Variants in LOC128462377 observed in about 807,000 individuals in gnomAD.
chr16:89,343,253 G>A, the LOC128462377 span, among the ~76,000 whole-genome samples: 17 of 152,150 alleles, frequency 1.1e-4, no homozygotes, highest in Admixed American at 6.5e-4. Flanking sequence ...TCGGCCTCCC[G>A]AAGTGCTGGG....
the LOC128462377 span, among the ~76,000 whole-genome samples, chr16:89,399,932 C>G: frequency 6.6e-6 from 1 of 152,184 alleles, no homozygotes; most frequent in Non-Finnish European, 1.5e-5. Flanking sequence ...GACCAAGAAG[C>G]AGAGTAAGCC....
the LOC128462377 span, among the ~76,000 whole-genome samples, chr16:89,417,143 G>A: frequency 6.6e-6 from 1 of 152,150 alleles, no homozygotes; most frequent in Non-Finnish European, 1.5e-5. Context: ...AAAGAATTCA[G>A]TCATATGAAA....
chr16:89,372,303 C>T, the LOC128462377 span, among the ~76,000 whole-genome samples: 2 of 152,188 alleles, frequency 1.3e-5, no homozygotes, highest in African/African-American at 2.4e-5. Flanking sequence ...CAGGCGGAGG[C>T]GGCGGCAGCG....
At chr16:89,340,213 G>A in the LOC128462377 span, among the ~76,000 whole-genome samples, 10 of 152,358 alleles carry the variant, frequency 6.6e-5, no homozygotes, top group East Asian at 1.9e-3. Flanking sequence ...ATGTCACACT[G>A]TATAGTCATT....
the LOC128462377 span, among the ~76,000 whole-genome samples, chr16:89,380,759 G>C: frequency 6.6e-6 from 1 of 152,248 alleles, no homozygotes; most frequent in African/African-American, 2.4e-5. Context: ...TGGAGGCCTC[G>C]TGGGGCATCT....
At chr16:89,411,229 C>T in the LOC128462377 span, among the ~76,000 whole-genome samples, 4 of 152,352 alleles carry the variant, frequency 2.6e-5, no homozygotes, top group East Asian at 7.7e-4. Context: ...TGTGCTGGTG[C>T]CACCACGGGG....
At chr16:89,361,148 T>C in the LOC128462377 span, among the ~76,000 whole-genome samples, 1 of 152,172 alleles carries the variant, frequency 6.6e-6, no homozygotes, top group African/African-American at 2.4e-5. Context: ...CCCGTACTTC[T>C]TCCTGTAAGC....
chr16:89,366,139 A>T, the LOC128462377 span, among the ~76,000 whole-genome samples: 1 of 151,128 alleles, frequency 6.6e-6, no homozygotes, highest in East Asian at 1.9e-4. Flanking sequence ...CAAAAAAAAA[A>T]AAAAAAAAAA....
the LOC128462377 span, among the ~76,000 whole-genome samples, chr16:89,393,458 G>C: frequency 6.6e-6 from 1 of 150,718 alleles, no homozygotes; most frequent in African/African-American, 2.4e-5. Flanking sequence ...CATGTAGCTG[G>C]GATTACAGGC....
the LOC128462377 span, among the ~76,000 whole-genome samples, chr16:89,345,914 T>C: frequency 6.6e-6 from 1 of 152,108 alleles, no homozygotes. Flanking sequence ...CGGTCCGACA[T>C]TTATGCAAAT....
At chr16:89,403,962 G>A in the LOC128462377 span, among the ~76,000 whole-genome samples, 1 of 152,090 alleles carries the variant, frequency 6.6e-6, no homozygotes, top group African/African-American at 2.4e-5. Flanking sequence ...ATATTATAGG[G>A]CACAGAAAGG....
the LOC128462377 span, among the ~76,000 whole-genome samples, chr16:89,359,360 G>C: frequency 6.6e-6 from 1 of 152,128 alleles, no homozygotes. Context: ...CCTTTAAAAA[G>C]CAGACTCCCA....
the LOC128462377 span, among the ~76,000 whole-genome samples, chr16:89,325,469 T>A: frequency 0.026 from 3,885 of 147,672 alleles, 180 homozygotes; most frequent in African/African-American, 0.094. Flanking sequence ...TCTCTCTCTC[T>A]CACACACACA....
chr16:89,415,258 ATTC>A, the LOC128462377 span, among the ~76,000 whole-genome samples: 1 of 114,240 alleles, frequency 8.8e-6, no homozygotes, highest in African/African-American at 3.4e-5. Context: ...CTGGCCAGCT[ATTC>A]TTTTTTTTTT....
chr16:89,317,145 C>G, the LOC128462377 span: 1 of 1,047,332 alleles, frequency 9.5e-7, no homozygotes, highest in Non-Finnish European at 1.4e-6. Context: ...ACTCTCACAC[C>G]GCACTCAACA....
chr16:89,372,273 G>C, the LOC128462377 span, among the ~76,000 whole-genome samples: 6 of 152,230 alleles, frequency 3.9e-5, no homozygotes, highest in African/African-American at 1.4e-4. Flanking sequence ...CTCTCACTGA[G>C]ATTAAGAGGG....
chr16:89,412,071 G>A, the LOC128462377 span, among the ~76,000 whole-genome samples: 5 of 82,124 alleles, frequency 6.1e-5, no homozygotes, highest in African/African-American at 1.6e-4. Flanking sequence ...TCTCCTGGCC[G>A]TGCCCCATCC....
chr16:89,339,300 C>T, the LOC128462377 span, among the ~76,000 whole-genome samples: 1 of 152,334 alleles, frequency 6.6e-6, no homozygotes, highest in South Asian at 2.1e-4. Flanking sequence ...TGAATTCCCC[C>T]TCAGTACAAC....
chr16:89,414,961 T>C, the LOC128462377 span, among the ~76,000 whole-genome samples: 1 of 152,198 alleles, frequency 6.6e-6, no homozygotes, highest in Non-Finnish European at 1.5e-5. Context: ...TCTTCTTTAT[T>C]TGGGACAGGG....
Sources: gnomAD v4.1 joint callset for allele counts (sites outside exome capture counted in the v4.1 genomes callset) on GRCh38, gnomAD v4.1.1 for gene constraint, MANE v1.5 for transcripts.